DDR2: variants seen among roughly 807,000 people sequenced by gnomAD.
DDR2 encodes discoidin domain receptor tyrosine kinase 2.
DDR2 carries 27 observed loss-of-function variants against 94.9 expected under a neutral mutation model. The observed-to-expected ratio is 0.28, with a 90% CI of 0.21 to 0.39. The LOEUF (loss-of-function observed/expected upper bound fraction) is 0.39, where lower values mean the gene tolerates loss of function less well. Ranked by LOEUF, DDR2 falls within the 10% of genes least tolerant of loss-of-function variation. DDR2 has a pLI of 1.00. For missense variants in DDR2, 783 were observed against 1,076.0 expected (o/e 0.73, Z 3.81); for synonymous variants, 382 against 377.2 (o/e 1.01, Z -0.15).
At chr1:162,741,829 T>C (rs996398499) in intron 3 of DDR2, 3 of 818,766 alleles carry the variant, frequency 3.7e-6, no homozygotes, top group Non-Finnish European at 4.4e-6. Context: ...AAGCCTCTCT[T>C]TATTCATTAA....
chr1:162,771,928 C>T, intron 12 of DDR2, 96 bp from the exon 13 acceptor site: 1 of 1,319,120 alleles, frequency 7.6e-7, no homozygotes, highest in South Asian at 1.3e-5. Flanking sequence ...TAGGCTTTCA[C>T]AGGGGCATGT....
chr1:162,733,625 G>A (rs963405966), intron 3 of DDR2, among the ~76,000 whole-genome samples: 1 of 152,044 alleles, frequency 6.6e-6, no homozygotes, highest in Non-Finnish European at 1.5e-5. Context: ...CCTAACTTTC[G>A]TTGTCTGGAG....
intron 3 of DDR2, among the ~76,000 whole-genome samples, chr1:162,732,780 ACGGGGAGCC>A (rs1444359136): frequency 6.6e-6 from 1 of 152,248 alleles, no homozygotes; most frequent in Admixed American, 6.5e-5. Context: ...ACACTCATTG[ACGGGGAGCC>A]CGTGGTCTGG....
At chr1:162,774,640 G>T (rs1431701963) in intron 14 of DDR2, among the ~76,000 whole-genome samples, 1 of 152,150 alleles carries the variant, frequency 6.6e-6, no homozygotes, top group Non-Finnish European at 1.5e-5. Context: ...TGGAGAAAGT[G>T]GCATGAGGGG....
intron 2 of DDR2, among the ~76,000 whole-genome samples, chr1:162,687,394 A>G (rs1403011322): frequency 6.6e-6 from 1 of 152,174 alleles, no homozygotes; most frequent in African/African-American, 2.4e-5. Flanking sequence ...TGCTCATTAT[A>G]TGGACTCCCC....
At chr1:162,745,228 G>A (rs981578849) in intron 3 of DDR2, among the ~76,000 whole-genome samples, 20 of 151,964 alleles carry the variant, frequency 1.3e-4, no homozygotes, top group Admixed American at 1.3e-3. Flanking sequence ...ATATATCTTG[G>A]ATATTAACCT....
intron 4 of DDR2, among the ~76,000 whole-genome samples, chr1:162,754,396 T>C (rs1170245930): frequency 6.6e-6 from 1 of 152,210 alleles, no homozygotes; most frequent in Non-Finnish European, 1.5e-5. Flanking sequence ...ATGTGTGATC[T>C]GAAGGCCTCA....
intron 2 of DDR2, among the ~76,000 whole-genome samples, chr1:162,691,707 C>T (rs12081634): frequency 0.017 from 2,641 of 152,290 alleles, 71 homozygotes; most frequent in African/African-American, 0.06. Context: ...AAGCTACCAA[C>T]ATGGTGTCAA....
chr1:162,708,371 T>C (rs1558038547), intron 2 of DDR2, among the ~76,000 whole-genome samples: 1 of 152,202 alleles, frequency 6.6e-6, no homozygotes, highest in Non-Finnish European at 1.5e-5. Flanking sequence ...TGATTGGGCC[T>C]GCACTAAAAG....
intron 4 of DDR2, 33 bp downstream of exon 4, chr1:162,753,230 C>G (rs376936322): frequency 6.3e-7 from 1 of 1,598,868 alleles, no homozygotes. Context: ...AGCCCATGTT[C>G]TGGGGTTGGG....
chr1:162,673,603 G>A (rs1658980531), intron 2 of DDR2, among the ~76,000 whole-genome samples: 1 of 115,330 alleles, frequency 8.7e-6, no homozygotes, highest in Admixed American at 9.0e-5. Flanking sequence ...GTATGTGTGT[G>A]TGTGTGAGAG....
chr1:162,646,832 T>C (rs1055749164), intron 1 of DDR2, among the ~76,000 whole-genome samples: 12 of 152,314 alleles, frequency 7.9e-5, no homozygotes, highest in African/African-American at 2.9e-4. Context: ...CCAGGGGGCC[T>C]GAATCTTTTA....
intron 3 of DDR2, among the ~76,000 whole-genome samples, chr1:162,724,173 T>A (rs1661546108): frequency 6.6e-6 from 1 of 152,158 alleles, no homozygotes; most frequent in Non-Finnish European, 1.5e-5. Flanking sequence ...AGCTAATAGT[T>A]AAGCTAGGAC....
At chr1:162,735,040 G>A (rs537380891) in intron 3 of DDR2, among the ~76,000 whole-genome samples, 57 of 152,276 alleles carry the variant, frequency 3.7e-4, no homozygotes, top group Middle Eastern at 3.4e-3. Flanking sequence ...AACTGCAGGA[G>A]GTAGGATTTG....
intron 1 of DDR2, among the ~76,000 whole-genome samples, chr1:162,654,726 T>C (rs1657873083): frequency 6.6e-6 from 1 of 152,148 alleles, no homozygotes; most frequent in African/African-American, 2.4e-5. Flanking sequence ...GTTGTTTTTA[T>C]TCTCATTCTC....
chr1:162,680,028 G>A (rs1480102449), intron 2 of DDR2, among the ~76,000 whole-genome samples: 1 of 152,092 alleles, frequency 6.6e-6, no homozygotes, highest in South Asian at 2.1e-4. Flanking sequence ...ATAGATTCTG[G>A]ACATTAAGTC....
intron 3 of DDR2, among the ~76,000 whole-genome samples, chr1:162,735,978 A>G (rs1025047161): frequency 6.6e-6 from 1 of 152,192 alleles, no homozygotes; most frequent in African/African-American, 2.4e-5. Context: ...GTGTTTAGAG[A>G]TGCATTAAAG....
intron 4 of DDR2, 35 bp from the exon 5 acceptor site, chr1:162,754,589 G>A (rs1218693791): frequency 6.2e-7 from 1 of 1,607,370 alleles, no homozygotes; most frequent in African/African-American, 1.3e-5. Flanking sequence ...TGGTTTCATG[G>A]TTGCTCCCTC....
intron 2 of DDR2, among the ~76,000 whole-genome samples, chr1:162,693,675 C>A (rs556146172): frequency 6.6e-6 from 1 of 152,126 alleles, no homozygotes; most frequent in Non-Finnish European, 1.5e-5. Flanking sequence ...AGGGTTTGGG[C>A]ACTGACTAGG....
Sources: gnomAD v4.1 joint callset for allele counts (sites outside exome capture counted in the v4.1 genomes callset) on GRCh38, gnomAD v4.1.1 for gene constraint, MANE v1.5 for transcripts, NCBI Gene and HGNC (gene_info 2026-07-23, HGNC 2026-07-21) for gene names.